Variants in HIVEP1 observed in about 807,000 individuals in gnomAD.
HIVEP1 encodes zinc finger protein 40.
In HIVEP1, 36 loss-of-function variants were observed where a neutral mutation model predicts 180.0. The ratio of observed to expected loss-of-function variants is 0.20; its 90% CI spans 0.15 to 0.26. The LOEUF (loss-of-function observed/expected upper bound fraction) is 0.26. Ranked by LOEUF, HIVEP1 falls within the 10% of genes least tolerant of loss-of-function variation. HIVEP1 has a pLI of 1.00. For missense variants in HIVEP1, 3,143 were observed against 3,268.7 expected (o/e 0.96, Z 0.94); for synonymous variants, 1,239 against 1,239.0 (o/e 1.00, Z 0.00).
chr6:12,037,644 T>C (rs1215146278), intron 2 of HIVEP1: 1 of 395,196 alleles, frequency 2.5e-6, no homozygotes, highest in Admixed American at 4.4e-5. Flanking sequence ...TGTTTTCCTG[T>C]TTTCTTTTTA....
At chr6:12,162,242 A>G (rs1257231770) in intron 8 of HIVEP1, among the ~76,000 whole-genome samples, 1 of 148,552 alleles carries the variant, frequency 6.7e-6, no homozygotes. Context: ...AAAAAACGTG[A>G]CAGTGGCGAA....
chr6:12,111,704 A>G (rs566796195), intron 3 of HIVEP1, among the ~76,000 whole-genome samples: 9 of 152,226 alleles, frequency 5.9e-5, no homozygotes, highest in Non-Finnish European at 7.3e-5. Flanking sequence ...CAGTTGTTCA[A>G]TACCTCTGAC....
intron 7 of HIVEP1, among the ~76,000 whole-genome samples, chr6:12,153,001 G>C (rs1356938113): frequency 6.6e-6 from 1 of 152,076 alleles, no homozygotes; most frequent in Non-Finnish European, 1.5e-5. Flanking sequence ...TGCTAAAAAA[G>C]AAATCAGCAT....
At chr6:12,073,184 C>T (rs181765039) in intron 2 of HIVEP1, among the ~76,000 whole-genome samples, 308 of 152,272 alleles carry the variant, frequency 2.0e-3, no homozygotes, top group Non-Finnish European at 3.8e-3. Context: ...TGCCCGTAGT[C>T]TGAAGTTTCA....
In HIVEP1 at chr6:12,120,394, T is replaced by C; in HGVS notation, c.599T>C (p.Leu200Pro). Residue 200 changes from leucine (L) to proline (P), a missense_variant, in exon 4 of 9, where the codon CTG becomes CCG. Coordinates refer to ENST00000379388, the MANE Select transcript of HIVEP1 (RefSeq NM_002114.4). ...SYTNTAFDVLLKAMEPELSTL... is the reference protein window; with the variant it reads ...SYTNTAFDVLPKAMEPELSTL... The stretch of plus-strand genomic sequence containing the variant: ...ACAAACACTGCATTCGATGTCTTAC[T>C]GAAAGCAATGGAGCCAGAACTGAGC... 1.2e-6 allele frequency: 2 copies of C among 1,614,194 alleles called. No individual in the cohort carries two copies. The highest frequency in any genetic ancestry group is 1.7e-6 in the Non-Finnish European group (2 of 1,180,032).
At chr6:12,154,752 C>T (rs939725990) in intron 7 of HIVEP1, among the ~76,000 whole-genome samples, 6 of 152,100 alleles carry the variant, frequency 3.9e-5, no homozygotes, top group Non-Finnish European at 7.4e-5. Flanking sequence ...CACATGTATA[C>T]CTCCATGGCA....
rs201498695 is a variant in HIVEP1, at chr6:12,164,234, G to A, written c.7930G>A (p.Val2644Met). 180 of 1,614,000 alleles carry A rather than the reference G, an allele frequency of 1.1e-4. No homozygotes were observed. The highest frequency in any genetic ancestry group is 1.4e-4 in the Non-Finnish European group (164 of 1,180,036). The part of the protein sequence containing the change: ...DTEKAASANH[V>M]KPKPELTSIQ... ...AGAGAAGGCTGCCTCGGCAAATCAC[G>A]TGAAGCCCAAGCCTGAACTCACTTC... is the stretch of plus-strand genomic sequence containing the variant. The change falls in exon 9 of 9, where the codon GTG becomes ATG. Residue 2644 changes from valine (V) to methionine (M), a missense_variant. Physicochemically the swap from Val to Met is conservative, Grantham distance 21 (BLOSUM62 1). Transcript: ENST00000379388.
intron 4 of HIVEP1, among the ~76,000 whole-genome samples, chr6:12,128,895 A>G (rs143861462): frequency 6.6e-6 from 1 of 152,350 alleles, no homozygotes; most frequent in East Asian, 1.9e-4. Context: ...AGTATTCAGT[A>G]AACTTTTGAG....
intron 2 of HIVEP1, among the ~76,000 whole-genome samples, chr6:12,024,969 T>C (rs1438526095): frequency 6.6e-6 from 1 of 152,236 alleles, no homozygotes; most frequent in African/African-American, 2.4e-5. Context: ...CTTACGATGA[T>C]AAAAAGGGCG....
intron 2 of HIVEP1, among the ~76,000 whole-genome samples, chr6:12,018,660 A>G (rs1023862943): frequency 6.6e-6 from 1 of 152,126 alleles, no homozygotes; most frequent in African/African-American, 2.4e-5. Flanking sequence ...TGATTTAGGG[A>G]AGGAAAGTTA....
chr6:12,050,697 C>T (rs543903311), intron 2 of HIVEP1, among the ~76,000 whole-genome samples: 15 of 152,210 alleles, frequency 9.9e-5, no homozygotes, highest in Admixed American at 2.0e-4. Context: ...CTCTCGCAGT[C>T]GGGCCCTGTC....
At chr6:12,134,308 A>G (rs1758590305) in intron 6 of HIVEP1, among the ~76,000 whole-genome samples, 1 of 152,174 alleles carries the variant, frequency 6.6e-6, no homozygotes, top group Non-Finnish European at 1.5e-5. Flanking sequence ...CACAGAAGTC[A>G]GGGTTTGATG....
intron 2 of HIVEP1, among the ~76,000 whole-genome samples, chr6:12,016,503 TAAAAATC>T (rs1340856006): frequency 6.6e-6 from 1 of 152,238 alleles, no homozygotes; most frequent in Non-Finnish European, 1.5e-5. Context: ...AGAAGTGACT[TAAAAATC>T]AAATAAATTA....
chr6:12,071,939 A>G (rs188127370), intron 2 of HIVEP1, among the ~76,000 whole-genome samples: 15 of 152,358 alleles, frequency 9.8e-5, no homozygotes, highest in Non-Finnish European at 2.9e-5. Flanking sequence ...GAAGAACTAA[A>G]GAAAAAGATA....
rs1255189667 is a variant in HIVEP1 at position 12,120,222 on chromosome 6, C to G, written c.427C>G (p.Leu143Val). 1 of 1,614,226 alleles carries G rather than the reference C, an allele frequency of 6.2e-7. No homozygotes were observed. Among genetic ancestry groups the G allele is most frequent in the East Asian group, 2.2e-5 (1 of 44,882 alleles). Residue 143 changes from leucine (L) to valine (V), a missense_variant, in exon 4 of 9, where the codon CTG (leucine) becomes GTG (valine). Leu to Val is a conservative substitution (Grantham distance 32, BLOSUM62 1). This residue lies in a region of HIVEP1 where 306 missense variants were observed against 310.6 expected (regional missense o/e 0.99). Coordinates refer to ENST00000379388, the MANE Select transcript of HIVEP1 (RefSeq NM_002114.4). ...CTTGTTTCTGCAGCAACCATCTGAA[C>G]TGCGTAGATGGAGATCCGAAGGCGC... ...KPLFLQQPSELRRWRSEGADP... is the reference protein window; with the variant it reads ...KPLFLQQPSEVRRWRSEGADP...
chr6:12,124,968 A>G lies in HIVEP1; in HGVS notation c.5173A>G (p.Ile1725Val), dbSNP rs374295839. The stretch of plus-strand genomic sequence containing the variant: ...TTCTTCTCTATCAGAATCCTTGCCC[A>G]TAACTCAGAAAATATCTGTTGGTCG... ...QNSSLSESLP[I>V]TQKISVGRLS... Residue 1725 changes from isoleucine (I) to valine (V), a missense_variant, in exon 4 of 9, where the codon ATA becomes GTA. By Grantham distance (29) the Ile-to-Val change is conservative. Transcript: ENST00000379388. 2.3e-5 allele frequency: 37 copies of G among 1,614,050 alleles called. No individual in the cohort carries two copies. The East Asian group carries it at 5.6e-4, about 24-fold the overall frequency.
intron 7 of HIVEP1, among the ~76,000 whole-genome samples, chr6:12,146,852 T>G (rs72828104): frequency 0.19 from 29,110 of 152,064 alleles, 3,164 homozygotes; most frequent in East Asian, 0.47. Context: ...CCTGGCTGAT[T>G]ACTATGATGT....
chr6:12,177,583 C>A, the HIVEP1 span, among the ~76,000 whole-genome samples: 2 of 152,116 alleles, frequency 1.3e-5, no homozygotes, highest in South Asian at 4.1e-4. Context: ...ATTAAGTGTT[C>A]AAAGTTCTCT....
At chr6:12,134,862 T>C (rs1757726945) in intron 6 of HIVEP1, among the ~76,000 whole-genome samples, 1 of 152,236 alleles carries the variant, frequency 6.6e-6, no homozygotes, top group Non-Finnish European at 1.5e-5. Flanking sequence ...TTGAGACTTA[T>C]ACTCTGTATG....
Sources: gnomAD v4.1 joint callset for allele counts (sites outside exome capture counted in the v4.1 genomes callset) on GRCh38, gnomAD v4.1.1 for gene constraint, gnomAD v4.1.1 regional missense constraint, MANE v1.5 for transcripts, NCBI Gene and HGNC (gene_info 2026-07-23, HGNC 2026-07-21) for gene names.